Variants in PPP2R2A observed in about 807,000 individuals in gnomAD.
The protein encoded by PPP2R2A is protein phosphatase 2 regulatory subunit Balpha, also known as serine/threonine-protein phosphatase 2A 55 kDa regulatory subunit B alpha isoform.
PPP2R2A carries 9 observed loss-of-function variants against 53.2 expected under a neutral mutation model. The ratio of observed to expected loss-of-function variants is 0.17; its 90% CI spans 0.10 to 0.30. PPP2R2A has a LOEUF of 0.30. PPP2R2A is among the 10% of genes least tolerant of loss of function. The pLI is 1.00. For synonymous variants in PPP2R2A, 169 were observed against 174.2 expected, an observed-to-expected ratio of 0.97 and a Z score of 0.23; for missense variants, 235 against 534.6, an observed-to-expected ratio of 0.44 and a Z score of 5.53.
chr8:26,356,520 T>C (rs1057025722), intron 4 of PPP2R2A, among the ~76,000 whole-genome samples: 7 of 152,350 alleles, frequency 4.6e-5, no homozygotes, highest in African/African-American at 1.4e-4. Context: ...TTTATTCCTG[T>C]CATATGCTAG....
chr8:26,338,110 C>G lies in PPP2R2A; in HGVS notation c.83-780C>G, dbSNP rs1803761697. ...CTTAATGCTTTATAGTGAAGAACTTCTTAATGACACAGTGATGAATTTTAC... is the reference window on the plus strand; with the variant it reads ...CTTAATGCTTTATAGTGAAGAACTTGTTAATGACACAGTGATGAATTTTAC... On this transcript the variant is annotated intron_variant, in intron 2 of 9. Transcript: ENST00000380737. This position sits in a 1 kb window ranked among gnomAD's most constrained non-coding sequence, Gnocchi z 4.5. Among the ~76,000 whole-genome samples, 1 of 152,170 alleles carries G rather than the reference C, an allele frequency of 6.6e-6. No homozygotes were observed. The highest frequency in any genetic ancestry group is 1.5e-5 in the Non-Finnish European group (1 of 68,036).
At chr8:26,319,931 AATT>A (rs1462766507) in intron 2 of PPP2R2A, among the ~76,000 whole-genome samples, 1 of 151,950 alleles carries the variant, frequency 6.6e-6, no homozygotes, top group Non-Finnish European at 1.5e-5. Context: ...CTGTGAATGG[AATT>A]GTTCTCTTAA....
intron 9 of PPP2R2A, among the ~76,000 whole-genome samples, chr8:26,369,030 C>G (rs1463174098): frequency 6.6e-6 from 1 of 150,906 alleles, no homozygotes; most frequent in African/African-American, 2.4e-5. Flanking sequence ...ATGGCATGAA[C>G]CCAGGAGGCA....
Position 26,338,894 on chromosome 8 carries a change from T to C in PPP2R2A, c.87T>C (p.Asp29=). The change falls in exon 3 of 10, where the codon GAT becomes GAC. Residue 29 remains aspartate, a synonymous_variant. Coordinates refer to ENST00000380737, the MANE Select transcript of PPP2R2A (RefSeq NM_002717.4). This position sits in a 1 kb window ranked among gnomAD's most constrained non-coding sequence, Gnocchi z 4.5. ...GAVDDDVAEA[D]IISTVEFNHS... The stretch of plus-strand genomic sequence containing the variant: ...TGTTTTGTCTCAATTATACAGCAGA[T>C]ATAATTTCTACAGTAGAATTTAATC... 1 of 1,576,696 alleles carries C rather than the reference T, an allele frequency of 6.3e-7. No individual in the cohort carries two copies. Among genetic ancestry groups the C allele is most frequent in the South Asian group, 1.1e-5 (1 of 89,870 alleles).
At chr8:26,317,264 C>T (rs894124215) in intron 2 of PPP2R2A, among the ~76,000 whole-genome samples, 3 of 152,162 alleles carry the variant, frequency 2.0e-5, no homozygotes, top group African/African-American at 7.2e-5. Context: ...TGTAAATTAA[C>T]TCATTTCCAT....
intron 3 of PPP2R2A, among the ~76,000 whole-genome samples, chr8:26,348,729 C>T (rs904409102): frequency 1.3e-5 from 2 of 152,012 alleles, no homozygotes; most frequent in Admixed American, 1.3e-4. Flanking sequence ...CAGAAGTTTG[C>T]CTTTAAGTCT....
chr8:26,329,391 T>C (rs1803256912), intron 2 of PPP2R2A, among the ~76,000 whole-genome samples: 1 of 152,216 alleles, frequency 6.6e-6, no homozygotes, highest in Non-Finnish European at 1.5e-5. Context: ...TTTTTTCAAC[T>C]CCTTATTCCT....
chr8:26,336,944 G>C (rs900384223), intron 2 of PPP2R2A, among the ~76,000 whole-genome samples: 5 of 151,892 alleles, frequency 3.3e-5, no homozygotes, highest in African/African-American at 1.2e-4. Flanking sequence ...AGCAGAGAGT[G>C]TAGTCAGGCT....
intron 2 of PPP2R2A, among the ~76,000 whole-genome samples, chr8:26,312,016 A>T (rs1012576104): frequency 7.1e-6 from 1 of 141,064 alleles, no homozygotes; most frequent in Non-Finnish European, 1.6e-5. Flanking sequence ...TGTAAATAGC[A>T]TATTTTTTAC....
intron 2 of PPP2R2A, among the ~76,000 whole-genome samples, chr8:26,324,235 C>T (rs1025104111): frequency 1.3e-5 from 2 of 152,180 alleles, no homozygotes; most frequent in Admixed American, 1.3e-4. Context: ...ACCACCCTAC[C>T]TGAAATAGTA....
At chr8:26,331,621 A>G (rs1803381966) in intron 2 of PPP2R2A, among the ~76,000 whole-genome samples, 1 of 152,214 alleles carries the variant, frequency 6.6e-6, no homozygotes, top group African/African-American at 2.4e-5. Flanking sequence ...ACGAGTTATT[A>G]TAGCCAGCTT....
At chr8:26,336,133 A>T (rs1422367999) in intron 2 of PPP2R2A, among the ~76,000 whole-genome samples, 1 of 152,150 alleles carries the variant, frequency 6.6e-6, no homozygotes, top group Non-Finnish European at 1.5e-5. Flanking sequence ...AAAATAGGTA[A>T]GGGCTGGGTG....
chr8:26,303,965 A>T (rs995185157), intron 2 of PPP2R2A, among the ~76,000 whole-genome samples: 21 of 152,232 alleles, frequency 1.4e-4, no homozygotes, highest in African/African-American at 4.8e-4. Context: ...TTCAAATACC[A>T]GATGGAGTTT....
At chr8:26,355,952 A>C (rs1391795748) in intron 4 of PPP2R2A, among the ~76,000 whole-genome samples, 1 of 151,532 alleles carries the variant, frequency 6.6e-6, no homozygotes, top group African/African-American at 2.4e-5. Flanking sequence ...CTTTGTTCTT[A>C]TGAAAAACTT....
intron 2 of PPP2R2A, among the ~76,000 whole-genome samples, chr8:26,315,000 G>A (rs944970441): frequency 6.7e-6 from 1 of 149,160 alleles, no homozygotes; most frequent in Non-Finnish European, 1.5e-5. Flanking sequence ...ATTTTTAAGA[G>A]CTCTTTTGCT....
At chr8:26,361,193 G>A (rs1805063284) in intron 6 of PPP2R2A, 42 bp downstream of exon 6, 1 of 1,500,760 alleles carries the variant, frequency 6.7e-7, no homozygotes, top group African/African-American at 1.4e-5. Context: ...AAGAAGGCAT[G>A]TTGTGCCCAT....
At chr8:26,343,432 C>T (rs113833577) in intron 3 of PPP2R2A, among the ~76,000 whole-genome samples, 2,883 of 150,176 alleles carry the variant, frequency 0.019, 90 homozygotes, top group African/African-American at 0.067. Context: ...AGTGCAGTGG[C>T]GTGATCTCAG....
rs1378681553 is a variant in PPP2R2A at position 26,292,157 on chromosome 8, T to C, written c.7+331T>C. 10 of 1,199,500 alleles carry C rather than the reference T, an allele frequency of 8.3e-6. No homozygotes were observed. The South Asian group carries it at 1.6e-4, about 19-fold the overall frequency. 74.3% of individuals were successfully genotyped at this position (1,199,500 alleles called of 1,614,324 possible). ...CCGCTCGGGAGCCTGGTGGATCTTC[T>C]CCCACCTCCCCACCTTGCCCCCCGC... On this transcript the variant is annotated intron_variant, in intron 1 of 9. Coordinates refer to ENST00000380737, the MANE Select transcript of PPP2R2A (RefSeq NM_002717.4).
At chr8:26,316,452 TTTAAAGAACTTAA>T (rs1478254633) in intron 2 of PPP2R2A, among the ~76,000 whole-genome samples, 1 of 152,240 alleles carries the variant, frequency 6.6e-6, no homozygotes, top group African/African-American at 2.4e-5. Flanking sequence ...GCCGTGAGGT[TTTAAAGAACTTAA>T]TATATCAGAG....
Sources: gnomAD v4.1 joint callset for allele counts (sites outside exome capture counted in the v4.1 genomes callset) on GRCh38, gnomAD v4.1.1 for gene constraint, Gnocchi (gnomAD v3.1) non-coding constraint, MANE v1.5 for transcripts, NCBI Gene and HGNC (gene_info 2026-07-23, HGNC 2026-07-21) for gene names.